Variants in RAB30 observed in about 807,000 individuals in gnomAD.
RAB30 encodes the protein RAB30, member RAS oncogene family, also known as ras-related protein Rab-30.
In RAB30, 9 loss-of-function variants were observed where a neutral mutation model predicts 25.1. That is an observed-to-expected ratio of 0.36 (90% confidence interval 0.22 to 0.63). The LOEUF is 0.63. Ranked by LOEUF, RAB30 falls within the 20% of genes least tolerant of loss-of-function variation. RAB30 has a pLI of 0.69. For synonymous variants in RAB30, 77 were observed against 86.4 expected, an observed-to-expected ratio of 0.89 and a Z score of 0.60; for missense variants, 140 against 243.5, an observed-to-expected ratio of 0.58 and a Z score of 2.83.
intron 1 of RAB30, among the ~76,000 whole-genome samples, chr11:83,020,295 C>G (rs1010279596): frequency 1.8e-4 from 27 of 152,252 alleles, no homozygotes; most frequent in African/African-American, 6.5e-4. Context: ...GCCTCTCCCC[C>G]ACTCCTTATG....
intron 1 of RAB30, among the ~76,000 whole-genome samples, chr11:83,012,108 T>C (rs1350476136): frequency 6.6e-6 from 1 of 152,150 alleles, no homozygotes; most frequent in Admixed American, 6.5e-5. Context: ...ATCTATTATA[T>C]GCATGTCTTC....
chr11:83,049,663 C>A (rs1858315413), intron 1 of RAB30, among the ~76,000 whole-genome samples: 1 of 150,208 alleles, frequency 6.7e-6, no homozygotes, highest in South Asian at 2.1e-4. Flanking sequence ...TTTTTTAATT[C>A]TTTGTAGAGA....
intron 1 of RAB30, among the ~76,000 whole-genome samples, chr11:83,015,541 GA>G (rs144451465): frequency 6.6e-6 from 1 of 152,302 alleles, no homozygotes; most frequent in African/African-American, 2.4e-5. Context: ...AGGACTCTCA[GA>G]CATCTATGTG....
At chr11:82,987,447 T>C in intron 4 of RAB30, 140 bp downstream of exon 4, 1 of 795,212 alleles carries the variant, frequency 1.3e-6, no homozygotes, top group South Asian at 2.8e-5. Context: ...TCTCTTCAAT[T>C]GCAGAAGAAC....
chr11:83,060,440 A>G (rs568427323), intron 1 of RAB30, among the ~76,000 whole-genome samples: 1 of 152,316 alleles, frequency 6.6e-6, no homozygotes, highest in East Asian at 1.9e-4. Flanking sequence ...CAAAGGGAAA[A>G]GGGTGCCCTT....
intron 1 of RAB30, among the ~76,000 whole-genome samples, chr11:83,048,672 C>T (rs903823945): frequency 6.6e-6 from 1 of 152,182 alleles, no homozygotes; most frequent in East Asian, 1.9e-4. Context: ...TACTTCCCAA[C>T]CTTGGGGTTG....
At chr11:83,004,414 T>G (rs534745799) in intron 1 of RAB30, among the ~76,000 whole-genome samples, 5 of 152,164 alleles carry the variant, frequency 3.3e-5, no homozygotes, top group Non-Finnish European at 7.3e-5. Flanking sequence ...GGACATCCCA[T>G]CTGAGTACTC....
At chr11:83,011,965 G>A (rs141550319) in intron 1 of RAB30, among the ~76,000 whole-genome samples, 4 of 152,132 alleles carry the variant, frequency 2.6e-5, no homozygotes, top group Non-Finnish European at 5.9e-5. Context: ...TCTAAGCAAC[G>A]CACAGGCTTG....
chr11:83,035,155 G>A (rs1857960008), intron 1 of RAB30, among the ~76,000 whole-genome samples: 1 of 151,058 alleles, frequency 6.6e-6, no homozygotes, highest in Non-Finnish European at 1.5e-5. Context: ...TTTGATCAAG[G>A]TCACTGCATC....
intron 3 of RAB30, among the ~76,000 whole-genome samples, chr11:82,988,573 G>A (rs1290684146): frequency 1.3e-5 from 2 of 152,156 alleles, no homozygotes; most frequent in Non-Finnish European, 2.9e-5. Context: ...CACACAACCT[G>A]CTGAAGGTTC....
Position 82,982,300 on chromosome 11 carries a change from C to T in RAB30, c.477G>A (p.Val159=). The T allele has an allele frequency of 6.2e-7, 1 of 1,614,216 alleles. No individual in the cohort carries two copies. The highest frequency in any genetic ancestry group is 2.2e-5 in the East Asian group (1 of 44,888). Residue 159 remains valine, a synonymous_variant, in exon 5 of 5, where the codon GTG becomes GTA. Transcript: ENST00000527633. ...LETSAKESDN[V]EKLFLDLACR... The stretch of plus-strand genomic sequence containing the variant: ...ATGCTAAGTCAAGGAAGAGTTTCTC[C>T]ACATTATCAGATTCCTTGGCTGAGG...
At chr11:83,036,250 TC>T (rs1339780104) in intron 1 of RAB30, among the ~76,000 whole-genome samples, 1 of 149,442 alleles carries the variant, frequency 6.7e-6, no homozygotes, top group Non-Finnish European at 1.5e-5. Flanking sequence ...CACTGCAACC[TC>T]CACCTCCCAG....
rs76851358 is a variant in RAB30 at position 83,055,633 on chromosome 11, C to T, written c.-9+16058G>A. ...TGATTTGAATGGTTTGTGTCCTTTT[C>T]AAAATTCATGTTGAAATTTAATCCC... On this transcript the variant is annotated intron_variant, in intron 1 of 4. Transcript: ENST00000527633. Among the ~76,000 whole-genome samples the T allele has an allele frequency of 8.6e-4, 131 of 152,358 alleles. 1 individual carries two copies. In the East Asian group the frequency reaches 0.021, roughly 25 times the overall value.
At position 82,980,844 on chromosome 11, in the gene RAB30, G is replaced by C. The variant is rs1856624993; in HGVS notation, c.*1321C>G. Reference sequence around the variant, plus strand: ...AGGATGGGAGGGAAGGAGGGAGGGAGGGAGGGAAGAAGAAAAGGAGAGACC... The same window carrying C: ...AGGATGGGAGGGAAGGAGGGAGGGACGGAGGGAAGAAGAAAAGGAGAGACC... On this transcript the variant is annotated 3_prime_UTR_variant, in exon 5 of 5. Transcript: ENST00000527633. 1.3e-5 allele frequency: 2 copies of C among 151,336 alleles called. No individual in the cohort carries two copies. Among genetic ancestry groups the C allele is most frequent in the South Asian group, 4.2e-4 (2 of 4,800 alleles). 9.4% of individuals were successfully genotyped at this position (151,336 alleles called of 1,614,324 possible).
intron 1 of RAB30, among the ~76,000 whole-genome samples, chr11:83,061,697 TTTTC>T (rs1858582963): frequency 7.0e-6 from 1 of 142,928 alleles, no homozygotes; most frequent in Non-Finnish European, 1.5e-5. Context: ...GGTGGGATTT[TTTTC>T]TTTCTTTTCT....
chr11:83,069,400 G>A (rs531856136), intron 1 of RAB30, among the ~76,000 whole-genome samples: 15 of 152,250 alleles, frequency 9.9e-5, no homozygotes, highest in South Asian at 2.1e-4. Flanking sequence ...AACAAATATA[G>A]CCACTATCAC....
chr11:83,058,890 G>A (rs912135642), intron 1 of RAB30, among the ~76,000 whole-genome samples: 1 of 152,166 alleles, frequency 6.6e-6, no homozygotes, highest in Non-Finnish European at 1.5e-5. Context: ...TCACACTTGG[G>A]ATCTTTTTAA....
At chr11:83,045,134 C>A (rs1351625733) in intron 1 of RAB30, among the ~76,000 whole-genome samples, 2 of 152,192 alleles carry the variant, frequency 1.3e-5, no homozygotes, top group Non-Finnish European at 2.9e-5. Context: ...AGACACTGAA[C>A]TCCCATTGAC....
At chr11:83,068,506 T>G in intron 1 of RAB30, among the ~76,000 whole-genome samples, 1 of 152,148 alleles carries the variant, frequency 6.6e-6, no homozygotes, top group East Asian at 1.9e-4. Flanking sequence ...TTCATCTAGT[T>G]TTTTAAAGCC....
Sources: gnomAD v4.1 joint callset for allele counts (sites outside exome capture counted in the v4.1 genomes callset) on GRCh38, gnomAD v4.1.1 for gene constraint, MANE v1.5 for transcripts, NCBI Gene and HGNC (gene_info 2026-07-23, HGNC 2026-07-21) for gene names.